Variants in PRKAR1A observed in about 807,000 individuals in gnomAD.
PRKAR1A encodes cAMP-dependent protein kinase type I-alpha regulatory subunit.
PRKAR1A carries 3 observed loss-of-function variants against 52.0 expected under a neutral mutation model. That is an observed-to-expected ratio of 0.06 (90% CI 0.03 to 0.15). PRKAR1A has a LOEUF of 0.15. Ranked by LOEUF, PRKAR1A falls within the 10% of genes least tolerant of loss-of-function variation. PRKAR1A has a pLI of 1.00. For missense variants in PRKAR1A, 240 were observed against 477.4 expected (o/e 0.50, Z 4.63); for synonymous variants, 188 against 168.4 (o/e 1.12, Z -0.90).
At chr17:68,457,389 G>A in the PRKAR1A span, 1 of 1,535,368 alleles carries the variant, frequency 6.5e-7, no homozygotes, top group Non-Finnish European at 8.8e-7. Context: ...ACTCAACCCC[G>A]CCCGGGGGAG....
the PRKAR1A span, among the ~76,000 whole-genome samples, chr17:68,486,428 C>G: frequency 6.9e-6 from 1 of 145,448 alleles, no homozygotes; most frequent in East Asian, 2.1e-4. Flanking sequence ...TTCCTTCTTT[C>G]TTTTCCTTCC....
In PRKAR1A at chr17:68,531,261, A is replaced by G. The variant is rs116996069; in HGVS notation, c.*812A>G. ...TCCAGCTAGTGCCAAATAATTGATC[A>G]GATGCTGAATTGAGAATAAGAATTT... On this transcript the variant is annotated 3_prime_UTR_variant, in exon 11 of 11. Coordinates refer to ENST00000589228, the MANE Select transcript of PRKAR1A (RefSeq NM_002734.5). The G allele has an allele frequency of 1.5e-3, 1,642 of 1,066,414 alleles. No homozygotes were observed. The highest frequency in any genetic ancestry group is 1.7e-3 in the Non-Finnish European group (1,539 of 879,652). 66.1% of individuals were successfully genotyped at this position (1,066,414 alleles called of 1,614,324 possible).
At chr17:68,541,917 CAAGT>C (rs1793738919) in intron 11 of PRKAR1A, 1 of 1,529,518 alleles carries the variant, frequency 6.5e-7, no homozygotes, top group Non-Finnish European at 8.8e-7. Context: ...AAGCTAGCAA[CAAGT>C]CCCTGGTACA....
At chr17:68,459,023 C>T in the PRKAR1A span, among the ~76,000 whole-genome samples, 5 of 152,140 alleles carry the variant, frequency 3.3e-5, no homozygotes, top group African/African-American at 7.2e-5. Context: ...GTTGGATTTC[C>T]GGTTTGTGTT....
the PRKAR1A span, chr17:68,421,827 A>G: frequency 6.2e-7 from 1 of 1,614,174 alleles, no homozygotes; most frequent in African/African-American, 1.3e-5. Flanking sequence ...TTATCTACCA[A>G]AATCAAAACA....
At chr17:68,443,850 C>T in the PRKAR1A span, among the ~76,000 whole-genome samples, 1 of 152,192 alleles carries the variant, frequency 6.6e-6, no homozygotes, top group East Asian at 1.9e-4. Flanking sequence ...CTCACCCCAC[C>T]ACACAATGAA....
chr17:68,498,324 A>G, the PRKAR1A span, among the ~76,000 whole-genome samples: 2 of 152,332 alleles, frequency 1.3e-5, no homozygotes, highest in South Asian at 2.1e-4. Flanking sequence ...TTCCTCCCCA[A>G]AAGCTCAATT....
downstream of PRKAR1A, chr17:68,535,446 T>G (rs2086073090): frequency 2.2e-6 from 1 of 453,938 alleles, no homozygotes; most frequent in Admixed American, 2.3e-5. Context: ...AGAGTCTTAT[T>G]TGGAAGTCCC....
At chr17:68,483,581 G>C in the PRKAR1A span, among the ~76,000 whole-genome samples, 1 of 152,154 alleles carries the variant, frequency 6.6e-6, no homozygotes, top group Admixed American at 6.5e-5. Flanking sequence ...CAATTGTCAG[G>C]CCAGGTGCGG....
chr17:68,437,199 T>C, the PRKAR1A span, among the ~76,000 whole-genome samples: 105 of 152,258 alleles, frequency 6.9e-4, no homozygotes, highest in African/African-American at 2.4e-3. Context: ...CAGATGATTA[T>C]ATACTGTTGG....
At chr17:68,521,726 A>T (rs982217313) in intron 2 of PRKAR1A, among the ~76,000 whole-genome samples, 1 of 152,254 alleles carries the variant, frequency 6.6e-6, no homozygotes, top group Non-Finnish European at 1.5e-5. Context: ...TAATAATGAA[A>T]GGTCTCCCTC....
chr17:68,523,987 T>C, intron 4 of PRKAR1A, 29 bp from the exon 5 acceptor site: 3 of 1,612,598 alleles, frequency 1.9e-6, no homozygotes, highest in South Asian at 2.2e-5. Context: ...ACATGTGAAA[T>C]GTAACACGAG....
At chr17:68,550,644 G>C (rs2086794214) in intron 11 of PRKAR1A, among the ~76,000 whole-genome samples, 1 of 152,172 alleles carries the variant, frequency 6.6e-6, no homozygotes, top group Admixed American at 6.5e-5. Flanking sequence ...GCCTACCAAA[G>C]TACTGGGATT....
At chr17:68,466,422 T>TC in the PRKAR1A span, among the ~76,000 whole-genome samples, 1 of 148,190 alleles carries the variant, frequency 6.7e-6, no homozygotes, top group Non-Finnish European at 1.5e-5. Context: ...TTTTTTTTTT[T>TC]TTTTTTTGAG....
intron 8 of PRKAR1A, 108 bp from the exon 9 acceptor site, chr17:68,528,762 G>A: frequency 1.4e-6 from 2 of 1,421,904 alleles, no homozygotes; most frequent in South Asian, 2.3e-5. Flanking sequence ...GACACTACTA[G>A]AATGTTGAAT....
chr17:68,515,728 T>A, intron 2 of PRKAR1A, 152 bp downstream of exon 2: 1 of 944,070 alleles, frequency 1.1e-6, no homozygotes, highest in Non-Finnish European at 1.6e-6. Context: ...AGTTAAGGCA[T>A]TTGTAGTAAT....
At position 68,546,407 on chromosome 17, in the gene PRKAR1A, CA is replaced by C. The variant is rs549896599; in HGVS notation, c.974-4676del. Among the ~76,000 whole-genome samples the C allele has an allele frequency of 8.6e-4, 131 of 152,112 alleles. 2 individuals carry two copies. Among genetic ancestry groups the C allele is most frequent in the African/African-American group, 2.9e-3 (121 of 41,386 alleles). On this transcript the variant is annotated intron_variant, in intron 11 of 11. Transcript: ENST00000585981. ...GTTGATATTTTTACCTCCTTCCACGCATCACAAATTTTCTTAATGGCATCTA... is the reference window on the plus strand; with the variant it reads ...GTTGATATTTTTACCTCCTTCCACGCTCACAAATTTTCTTAATGGCATCTA...
chr17:68,537,081 C>G (rs1385798508), downstream of PRKAR1A: 2 of 461,294 alleles, frequency 4.3e-6, no homozygotes, highest in Admixed American at 4.7e-5. This position sits in a 1 kb window ranked among gnomAD's most constrained non-coding sequence, Gnocchi z 4.2. Flanking sequence ...CAGGAGTTAT[C>G]TTTGACTTGT....
downstream of PRKAR1A, among the ~76,000 whole-genome samples, chr17:68,533,701 C>T (rs1438086904): frequency 6.6e-6 from 1 of 152,116 alleles, no homozygotes; most frequent in Non-Finnish European, 1.5e-5. Context: ...TAATTTGTCC[C>T]CAAAGGTACG....
Sources: gnomAD v4.1 joint callset for allele counts (sites outside exome capture counted in the v4.1 genomes callset) on GRCh38, gnomAD v4.1.1 for gene constraint, Gnocchi (gnomAD v3.1) non-coding constraint, MANE v1.5 for transcripts, NCBI Gene and HGNC (gene_info 2026-07-23, HGNC 2026-07-21) for gene names.